Variants in BCAS3 observed in about 807,000 individuals in gnomAD.
BCAS3 encodes the protein BCAS3 microtubule associated cell migration factor.
BCAS3 carries 53 observed loss-of-function variants against 116.1 expected under a neutral mutation model. The ratio of observed to expected loss-of-function variants is 0.46; its 90% CI spans 0.37 to 0.57. The LOEUF (loss-of-function observed/expected upper bound fraction) is 0.57, where lower values mean the gene tolerates loss of function less well. BCAS3 is among the 20% of genes least tolerant of loss of function. The pLI is 0.00. For synonymous variants in BCAS3, 391 were observed against 408.2 expected, an observed-to-expected ratio of 0.96 and a Z score of 0.51; for missense variants, 917 against 1,165.4, an observed-to-expected ratio of 0.79 and a Z score of 3.10.
rs1032377471 is a variant in BCAS3 at position 61,349,162 on chromosome 17, A to G, written c.2426-19165A>G. ...CCTACCCTAGAATCACTGTGCTGGA[A>G]TATCCAGAAGGGCCTGAGAATTCAT... On this transcript the variant is annotated intron_variant, in intron 22 of 23. Transcript: ENST00000407086. This position sits in a 1 kb window ranked among gnomAD's most constrained non-coding sequence, Gnocchi z 4.7. 6.6e-6 allele frequency among the ~76,000 whole-genome samples: 1 copy of G among 152,168 alleles called. No homozygotes were observed.
At chr17:60,744,459 T>C (rs2041864174) in intron 5 of BCAS3, among the ~76,000 whole-genome samples, 1 of 152,210 alleles carries the variant, frequency 6.6e-6, no homozygotes, top group African/African-American at 2.4e-5. Context: ...TGTGTGTCCT[T>C]TCTAAAACGT....
At chr17:61,061,480 C>G (rs569528002) in intron 19 of BCAS3, among the ~76,000 whole-genome samples, 1 of 152,214 alleles carries the variant, frequency 6.6e-6, no homozygotes, top group Non-Finnish European at 1.5e-5. Context: ...TCAACTGTGC[C>G]ATTGTAGATG....
In BCAS3 at chr17:60,747,261, T is replaced by C. The variant is rs751911299; in HGVS notation, c.385T>C (p.Leu129=). ...RHGPIRAARI[L]PAPQFGAQKC... Reference sequence around the variant, plus strand: ...TGGCCCAATTCGAGCGGCTAGAATCTTGCCTGCTCCACAGTTTGGTGAGTG... The same window carrying C: ...TGGCCCAATTCGAGCGGCTAGAATCCTGCCTGCTCCACAGTTTGGTGAGTG... Residue 129 remains leucine, a synonymous_variant, in exon 6 of 24, where the codon TTG becomes CTG. Transcript: ENST00000407086. 21 of 1,613,058 alleles carry C rather than the reference T, an allele frequency of 1.3e-5. No homozygotes were observed. Among genetic ancestry groups the C allele is most frequent in the Non-Finnish European group, 1.8e-5 (21 of 1,179,110 alleles).
intron 22 of BCAS3, among the ~76,000 whole-genome samples, chr17:61,119,938 A>C (rs553782860): frequency 1.3e-5 from 2 of 152,086 alleles, no homozygotes; most frequent in Non-Finnish European, 2.9e-5. Context: ...AAGAAGAAAG[A>C]TATAGAACCT....
intron 5 of BCAS3, among the ~76,000 whole-genome samples, chr17:60,731,981 T>A (rs185325069): frequency 6.6e-6 from 1 of 151,492 alleles, no homozygotes; most frequent in African/African-American, 2.4e-5. Flanking sequence ...CGCGATGTTG[T>A]CCAGGCTGGT....
intron 22 of BCAS3, among the ~76,000 whole-genome samples, chr17:61,298,959 A>T (rs558736824): frequency 6.6e-6 from 1 of 151,868 alleles, no homozygotes; most frequent in Admixed American, 6.6e-5. Flanking sequence ...AGTGGCTGGG[A>T]TGAGAGGCAC....
In BCAS3 at chr17:60,726,698, A is replaced by G. The variant is rs148559398; in HGVS notation, c.321+17373A>G. Among the ~76,000 whole-genome samples the G allele has an allele frequency of 9.0e-3, 1,362 of 151,842 alleles. 26 individuals are homozygous for G. The highest frequency in any genetic ancestry group is 0.031 in the African/African-American group (1,264 of 41,404). On this transcript the variant is annotated intron_variant, in intron 5 of 23. Transcript: ENST00000407086. ...CTAATTTTTTGTATTTTTAGTAGAC[A>G]TGGGGTTTCACCATGTTAGCTAGGA...
At position 61,114,411 on chromosome 17, in the gene BCAS3, G is replaced by T. The variant is rs942935343; in HGVS notation, c.2425+29847G>T. On this transcript the variant is annotated intron_variant, in intron 22 of 23. Coordinates refer to ENST00000407086, the MANE Select transcript of BCAS3 (RefSeq NM_017679.5). ...CAAAGTCTCAGGATACAAAATCAAT[G>T]TACCAAAATCACAAGCATTCTTATA... Among the ~76,000 whole-genome samples the T allele has an allele frequency of 2.5e-3, 377 of 147,846 alleles. 2 individuals are homozygous for T. The highest frequency in any genetic ancestry group is 9.0e-3 in the African/African-American group (362 of 40,212).
chr17:61,092,809 T>C (rs1477626760), intron 22 of BCAS3, among the ~76,000 whole-genome samples: 1 of 152,134 alleles, frequency 6.6e-6, no homozygotes, highest in African/African-American at 2.4e-5. Context: ...TTTCACTTTC[T>C]TAATGGTATC....
At chr17:60,951,551 C>G in intron 14 of BCAS3, among the ~76,000 whole-genome samples, 1 of 152,078 alleles carries the variant, frequency 6.6e-6, no homozygotes, top group Non-Finnish European at 1.5e-5. Context: ...TGAAATTGTT[C>G]TTAACAGTGC....
At chr17:60,864,154 G>C (rs1027227858) in intron 7 of BCAS3, among the ~76,000 whole-genome samples, 1 of 152,180 alleles carries the variant, frequency 6.6e-6, no homozygotes, top group Non-Finnish European at 1.5e-5. Context: ...AAGGGATGGA[G>C]ATTTTCCTGG....
Position 61,095,831 on chromosome 17 carries a change from A to G in BCAS3, c.2425+11267A>G, listed in dbSNP as rs528465120. 6.7e-6 allele frequency among the ~76,000 whole-genome samples: 1 copy of G among 149,574 alleles called. No individual in the cohort carries two copies. The highest frequency in any genetic ancestry group is 1.5e-5 in the Non-Finnish European group (1 of 67,844). On this transcript the variant is annotated intron_variant, in intron 22 of 23. Transcript: ENST00000407086. The surrounding 1 kb of genome is among the most constrained non-coding windows in gnomAD (Gnocchi z 4.7). ...TTTAAAATGTTTGAAAACCACTGGTATGCATATTCTCGTACACACACACAC... is the reference window on the plus strand; with the variant it reads ...TTTAAAATGTTTGAAAACCACTGGTGTGCATATTCTCGTACACACACACAC...
chr17:60,836,558 T>C (rs922144918), intron 7 of BCAS3, among the ~76,000 whole-genome samples: 7 of 152,078 alleles, frequency 4.6e-5, no homozygotes, highest in African/African-American at 1.4e-4. Context: ...AAAGAAAAAA[T>C]GGAAAATATC....
At chr17:60,973,028 G>A (rs1006446038) in intron 14 of BCAS3, among the ~76,000 whole-genome samples, 1 of 152,118 alleles carries the variant, frequency 6.6e-6, no homozygotes, top group Admixed American at 6.5e-5. Flanking sequence ...GTTGTTATTG[G>A]AATCATTAGG....
chr17:61,146,106 G>T (rs2077188154), intron 22 of BCAS3, among the ~76,000 whole-genome samples: 2 of 29,874 alleles, frequency 6.7e-5, no homozygotes, highest in African/African-American at 1.2e-4. Flanking sequence ...TTACTTACTG[G>T]TTTTTTGTTT....
intron 7 of BCAS3, among the ~76,000 whole-genome samples, chr17:60,846,319 A>C (rs897139152): frequency 6.6e-6 from 1 of 152,314 alleles, no homozygotes; most frequent in Middle Eastern, 3.4e-3. Context: ...TTGCATATGT[A>C]TACACAGGGA....
At chr17:61,109,787 G>C (rs867514628) in intron 22 of BCAS3, among the ~76,000 whole-genome samples, 3 of 152,134 alleles carry the variant, frequency 2.0e-5, no homozygotes, top group African/African-American at 7.2e-5. Context: ...TGATGTGATT[G>C]TTTGGGTTTG....
intron 6 of BCAS3, among the ~76,000 whole-genome samples, chr17:60,789,903 A>G (rs2046609467): frequency 6.6e-6 from 1 of 152,228 alleles, no homozygotes; most frequent in South Asian, 2.1e-4. Flanking sequence ...AATTATTTAA[A>G]TGAAAATTAA....
chr17:61,310,146 C>G (rs1417821497), intron 22 of BCAS3, among the ~76,000 whole-genome samples: 5 of 152,090 alleles, frequency 3.3e-5, no homozygotes, highest in Non-Finnish European at 7.3e-5. Flanking sequence ...CCTTCTTTCT[C>G]CCTGCTTCCA....
Sources: gnomAD v4.1 joint callset for allele counts (sites outside exome capture counted in the v4.1 genomes callset) on GRCh38, gnomAD v4.1.1 for gene constraint, Gnocchi (gnomAD v3.1) non-coding constraint, MANE v1.5 for transcripts, NCBI Gene and HGNC (gene_info 2026-07-23, HGNC 2026-07-21) for gene names.